Variants in KLHL2 observed in about 807,000 individuals in gnomAD.
KLHL2 encodes the protein kelch-like protein 2.
A neutral mutation model predicts 75.8 loss-of-function variants in KLHL2; 15 were observed. The ratio of observed to expected loss-of-function variants is 0.20; its 90% CI spans 0.13 to 0.30. The LOEUF (loss-of-function observed/expected upper bound fraction) is 0.30. Among genes scored for constraint, KLHL2 ranks in the 10% least tolerant of loss-of-function variants. The pLI is 1.00. For missense variants in KLHL2, 381 were observed against 741.0 expected (o/e 0.51, Z 5.64); for synonymous variants, 214 against 251.9 (o/e 0.85, Z 1.42).
intron 14 of KLHL2, among the ~76,000 whole-genome samples, chr4:165,320,456 C>T (rs1379179257): frequency 6.6e-5 from 10 of 152,128 alleles, no homozygotes; most frequent in Non-Finnish European, 1.3e-4. Flanking sequence ...GGACAGTGCC[C>T]TTGGCCACCC....
intron 5 of KLHL2, chr4:165,279,344 T>C: frequency 6.3e-7 from 1 of 1,577,872 alleles, no homozygotes; most frequent in Non-Finnish European, 8.7e-7. Flanking sequence ...AGTTATCTTG[T>C]CCCAGACTAC....
intron 5 of KLHL2, among the ~76,000 whole-genome samples, chr4:165,288,088 C>T (rs566290153): frequency 6.6e-6 from 1 of 152,106 alleles, no homozygotes; most frequent in Non-Finnish European, 1.5e-5. Context: ...TCCAGTGTCA[C>T]GAAACTTTCC....
Position 165,292,405 on chromosome 4 carries a change from T to C in KLHL2, c.545-1954T>C, listed in dbSNP as rs376863604. Among the ~76,000 whole-genome samples the C allele has an allele frequency of 7.9e-5, 12 of 152,300 alleles. No individual in the cohort carries two copies. The South Asian group carries it at 1.2e-3, about 16-fold the overall frequency. ...TTGGGTGCAGTGGCGTGATCTCGGC[T>C]TACTGCAACCTCCTCCTCCCAGGTT... On this transcript the variant is annotated intron_variant, in intron 5 of 14. Coordinates refer to ENST00000226725, the MANE Select transcript of KLHL2 (RefSeq NM_007246.4).
intron 5 of KLHL2, among the ~76,000 whole-genome samples, chr4:165,287,727 G>A (rs80001406): frequency 0.013 from 1,977 of 152,232 alleles, 28 homozygotes; most frequent in Non-Finnish European, 0.016. Flanking sequence ...TCTCATTGTG[G>A]TTTTGAGTTG....
At chr4:165,293,860 G>T (rs1744710105) in intron 5 of KLHL2, among the ~76,000 whole-genome samples, 1 of 151,932 alleles carries the variant, frequency 6.6e-6, no homozygotes, top group Admixed American at 6.6e-5. Context: ...ATTCAGATTG[G>T]CTAGCATTTG....
chr4:165,261,171 A>G (rs924062125), intron 4 of KLHL2, among the ~76,000 whole-genome samples: 2 of 152,198 alleles, frequency 1.3e-5, no homozygotes, highest in African/African-American at 4.8e-5. Context: ...CTTGGAACGC[A>G]CTTTATGTTG....
chr4:165,268,507 A>G (rs1742422989), intron 5 of KLHL2, among the ~76,000 whole-genome samples: 1 of 152,068 alleles, frequency 6.6e-6, no homozygotes, highest in African/African-American at 2.4e-5. Context: ...ATTCTGGTAC[A>G]TTCTGTCTTC....
At chr4:165,313,855 A>C (rs1746398787) in intron 12 of KLHL2, among the ~76,000 whole-genome samples, 171 bp from the exon 13 acceptor site, 1 of 152,164 alleles carries the variant, frequency 6.6e-6, no homozygotes, top group Non-Finnish European at 1.5e-5. Context: ...TGCTTATTTA[A>C]TCATCAATTG....
intron 9 of KLHL2, among the ~76,000 whole-genome samples, chr4:165,309,205 T>C (rs1394598289): frequency 1.3e-5 from 2 of 152,200 alleles, no homozygotes; most frequent in Non-Finnish European, 2.9e-5. Context: ...GTACATTTAT[T>C]AAACCTGAAG....
chr4:165,240,851 T>C (rs1739765919), intron 4 of KLHL2, among the ~76,000 whole-genome samples: 1 of 152,230 alleles, frequency 6.6e-6, no homozygotes, highest in African/African-American at 2.4e-5. Context: ...CTGTGTGAAT[T>C]CAGCCCTGAA....
intron 1 of KLHL2, chr4:165,210,180 TGTAA>T (rs796088688): frequency 2.3e-5 from 36 of 1,551,586 alleles, no homozygotes; most frequent in African/African-American, 6.8e-5. Context: ...ATTCTCTTTG[TGTAA>T]GTGTCTGTTT....
In KLHL2 at chr4:165,319,854, T is replaced by C. The variant is rs1049295959; in HGVS notation, c.1753+1885T>C. On this transcript the variant is annotated intron_variant, in intron 14 of 14. Transcript: ENST00000226725. The surrounding 1 kb of genome is among the most constrained non-coding windows in gnomAD (Gnocchi z 4.5). ...GTTTTGGTTTTTGGTGGGTGCAGGA[T>C]TGCTGTAAGAAAGGCATACCTGTCA... Among the ~76,000 whole-genome samples the C allele has an allele frequency of 6.6e-6, 1 of 152,124 alleles. No homozygotes were observed. The highest frequency in any genetic ancestry group is 1.5e-5 in the Non-Finnish European group (1 of 68,020).
intron 5 of KLHL2, among the ~76,000 whole-genome samples, chr4:165,285,299 A>G (rs1296232567): frequency 6.6e-6 from 1 of 152,216 alleles, no homozygotes; most frequent in Admixed American, 6.5e-5. Flanking sequence ...TTATGAAATA[A>G]TTCACATTAG....
intron 5 of KLHL2, among the ~76,000 whole-genome samples, chr4:165,284,359 A>G (rs1197138357): frequency 6.6e-6 from 1 of 152,114 alleles, no homozygotes; most frequent in Non-Finnish European, 1.5e-5. Context: ...CTTTGCTTAG[A>G]AATTTCTTCC....
intron 2 of KLHL2, among the ~76,000 whole-genome samples, chr4:165,223,231 C>T (rs570339838): frequency 1.3e-5 from 2 of 152,210 alleles, no homozygotes; most frequent in East Asian, 3.8e-4. Flanking sequence ...AGCTAATATG[C>T]CTGAAAGGCT....
intron 3 of KLHL2, among the ~76,000 whole-genome samples, chr4:165,235,148 G>A (rs1739230328): frequency 6.6e-6 from 1 of 152,252 alleles, no homozygotes; most frequent in African/African-American, 2.4e-5. Context: ...CATTAGTTAC[G>A]TTAAGTAAAA....
intron 6 of KLHL2, 95 bp downstream of exon 6, chr4:165,294,563 T>A: frequency 1.7e-6 from 1 of 582,094 alleles, no homozygotes; most frequent in South Asian, 2.5e-5. Flanking sequence ...CCTGTATGTG[T>A]AGTGACAGCC....
At chr4:165,241,785 A>G (rs1376545568) in intron 4 of KLHL2, among the ~76,000 whole-genome samples, 1 of 152,160 alleles carries the variant, frequency 6.6e-6, no homozygotes, top group Admixed American at 6.5e-5. Context: ...CCATGATACC[A>G]TATGGTCTCC....
chr4:165,267,753 G>A (rs529216427), intron 5 of KLHL2, among the ~76,000 whole-genome samples: 1 of 152,244 alleles, frequency 6.6e-6, no homozygotes, highest in African/African-American at 2.4e-5. Context: ...TGTTCATCAG[G>A]GATATTGGCC....
Sources: allele counts gnomAD v4.1 joint callset (sites outside exome capture counted in the v4.1 genomes callset), GRCh38; gene constraint gnomAD v4.1.1; non-coding constraint Gnocchi (gnomAD v3.1); transcripts MANE v1.5; gene names NCBI Gene and HGNC (gene_info 2026-07-23, HGNC 2026-07-21).